The following TTLL1 variants were observed in gnomAD, a reference collection of about 807,000 sequenced individuals.
TTLL1 encodes polyglutamylase complex subunit TTLL1.
In TTLL1, 33 loss-of-function variants were observed where a neutral mutation model predicts 47.8. The observed-to-expected ratio is 0.69, with a 90% CI of 0.52 to 0.92. The LOEUF (loss-of-function observed/expected upper bound fraction) is 0.92, where lower values mean the gene tolerates loss of function less well. TTLL1 is among the 40% of genes least tolerant of loss of function. The pLI, the probability that TTLL1 is intolerant of heterozygous loss-of-function variation, is 0.00. For synonymous variants in TTLL1, 225 were observed against 214.1 expected (o/e 1.05, Z -0.45); for missense variants, 488 against 547.5 (o/e 0.89, Z 1.08).
At chr22:43,058,384 T>C (rs545980688) in intron 8 of TTLL1, among the ~76,000 whole-genome samples, 10 of 152,086 alleles carry the variant, frequency 6.6e-5, no homozygotes, top group Admixed American at 2.6e-4. Context: ...AAACATAAAA[T>C]GTGAAGATAA....
At chr22:43,050,882 C>T (rs5759120) in intron 9 of TTLL1, among the ~76,000 whole-genome samples, 12,337 of 152,214 alleles carry the variant, frequency 0.081, 874 homozygotes, top group East Asian at 0.41. Flanking sequence ...ATCTATTCCC[C>T]GCTCACACAC....
At chr22:43,060,155 C>T (rs1023609137) in intron 7 of TTLL1, among the ~76,000 whole-genome samples, 3 of 152,200 alleles carry the variant, frequency 2.0e-5, no homozygotes. Context: ...GCTCATCTCC[C>T]TAATACTCTC....
chr22:43,048,510 A>G (rs1266703308), intron 9 of TTLL1, among the ~76,000 whole-genome samples: 1 of 150,286 alleles, frequency 6.7e-6, no homozygotes, highest in Non-Finnish European at 1.5e-5. Context: ...AGAGTGGCAC[A>G]CACCTCTACT....
intron 2 of TTLL1, among the ~76,000 whole-genome samples, chr22:43,076,738 G>A (rs186821331): frequency 5.9e-5 from 9 of 151,482 alleles, no homozygotes; most frequent in African/African-American, 1.5e-4. Context: ...GCGATAGAGC[G>A]AGACTCCATC....
intron 5 of TTLL1, among the ~76,000 whole-genome samples, chr22:43,064,793 A>T (rs1927622182): frequency 1.3e-5 from 2 of 152,092 alleles, no homozygotes; most frequent in Admixed American, 1.3e-4. Context: ...CAGACTAGGG[A>T]TAAACAGGCA....
At chr22:43,060,078 A>G (rs1303134129) in intron 7 of TTLL1, among the ~76,000 whole-genome samples, 3 of 152,070 alleles carry the variant, frequency 2.0e-5, no homozygotes, top group Non-Finnish European at 4.4e-5. Flanking sequence ...GCTGGAGTGC[A>G]ATGGCACGAT....
intron 1 of TTLL1, among the ~76,000 whole-genome samples, chr22:43,083,524 C>G (rs985574148): frequency 6.6e-6 from 1 of 152,052 alleles, no homozygotes; most frequent in African/African-American, 2.4e-5. Context: ...CCTGAGGTCA[C>G]GAGTTCGAGG....
chr22:43,045,764 G>A (rs1243321512), intron 10 of TTLL1, among the ~76,000 whole-genome samples: 4 of 151,590 alleles, frequency 2.6e-5, no homozygotes, highest in East Asian at 3.9e-4. Flanking sequence ...CTATCCTAGC[G>A]GCCAAGCACT....
intron 2 of TTLL1, 112 bp from the exon 3 acceptor site, chr22:43,075,702 A>G (rs1266783337): frequency 1.1e-6 from 1 of 893,272 alleles, no homozygotes; most frequent in African/African-American, 1.6e-5. Flanking sequence ...TACCCCGGCA[A>G]TGGTTCTCAA....
chr22:43,073,654 C>G (rs1468656972), intron 3 of TTLL1, among the ~76,000 whole-genome samples: 2 of 151,790 alleles, frequency 1.3e-5, no homozygotes, highest in East Asian at 3.9e-4. Context: ...CTGTGCCCAG[C>G]CCATCATAAT....
intron 2 of TTLL1, among the ~76,000 whole-genome samples, chr22:43,076,411 G>A (rs960159682): frequency 7.2e-5 from 11 of 151,850 alleles, no homozygotes; most frequent in African/African-American, 1.5e-4. Flanking sequence ...AGCTGAGATC[G>A]CACTACTGCC....
intron 8 of TTLL1, among the ~76,000 whole-genome samples, chr22:43,056,477 T>A (rs1183929939): frequency 6.7e-6 from 1 of 148,872 alleles, no homozygotes; most frequent in African/African-American, 2.5e-5. Context: ...TTTTTTTTTT[T>A]TTTTTTTTTA....
intron 1 of TTLL1, among the ~76,000 whole-genome samples, chr22:43,084,846 G>A (rs547382137): frequency 1.3e-5 from 2 of 152,096 alleles, no homozygotes; most frequent in African/African-American, 4.8e-5. Flanking sequence ...TTATCATCAG[G>A]TGGTTAGGTT....
At chr22:43,043,597 ACT>A (rs1925872487) in intron 10 of TTLL1, among the ~76,000 whole-genome samples, 1 of 151,344 alleles carries the variant, frequency 6.6e-6, no homozygotes, top group African/African-American at 2.4e-5. Flanking sequence ...GGGCTCCGGA[ACT>A]CTCTGCCCAT....
chr22:43,085,678 T>C (rs1270331199), intron 1 of TTLL1, among the ~76,000 whole-genome samples: 1 of 152,230 alleles, frequency 6.6e-6, no homozygotes, highest in Non-Finnish European at 1.5e-5. Flanking sequence ...TTTGGGTATG[T>C]CTTTATTAGC....
chr22:43,085,451 G>C (rs1929170947), intron 1 of TTLL1, among the ~76,000 whole-genome samples: 1 of 152,180 alleles, frequency 6.6e-6, no homozygotes, highest in Non-Finnish European at 1.5e-5. Context: ...CAAGGGCAGG[G>C]CAAGGTGGAG....
Position 43,059,591 on chromosome 22 carries a change from C to T in TTLL1, c.748-64G>A, listed in dbSNP as rs925709254. On this transcript the variant is annotated intron_variant, in intron 7 of 10. Coordinates refer to ENST00000266254, the MANE Select transcript of TTLL1 (RefSeq NM_012263.5). ...GCACCCCAGAGGAACCCAGCGGAAC[C>T]GTTGCATCCCCCAAGCATTTCTGGA... 1.1e-5 allele frequency: 17 copies of T among 1,523,616 alleles called. No individual in the cohort carries two copies. In the South Asian group the frequency reaches 1.3e-4, roughly 11 times the overall value. The allele number at this position is 1,523,616 out of a possible 1,614,324, so 94.4% of individuals were successfully genotyped here.
intron 7 of TTLL1, among the ~76,000 whole-genome samples, chr22:43,059,955 G>A (rs1035669177): frequency 1.6e-4 from 25 of 152,172 alleles, no homozygotes; most frequent in African/African-American, 6.0e-4. Flanking sequence ...CTCCCAAAGT[G>A]TTGGGATTAC....
intron 8 of TTLL1, among the ~76,000 whole-genome samples, chr22:43,055,352 GA>G (rs2146968568): frequency 6.7e-6 from 1 of 148,594 alleles, no homozygotes; most frequent in East Asian, 2.0e-4. Context: ...TTTTTTTTGA[GA>G]CAAGGTCTCA....
Sources: allele counts gnomAD v4.1 joint callset (sites outside exome capture counted in the v4.1 genomes callset), GRCh38; gene constraint gnomAD v4.1.1; transcripts MANE v1.5; gene names NCBI Gene and HGNC (gene_info 2026-07-23, HGNC 2026-07-21).